Variants in VPS37A observed in about 807,000 individuals in gnomAD.
VPS37A encodes the protein vacuolar protein sorting-associated protein 37A.
VPS37A carries 30 observed loss-of-function variants against 49.8 expected under a neutral mutation model. The ratio of observed to expected loss-of-function variants is 0.60; its 90% CI spans 0.45 to 0.82. The LOEUF is 0.82. Ranked by LOEUF, VPS37A falls within the 40% of genes least tolerant of loss-of-function variation. VPS37A has a pLI of 0.00. For missense variants in VPS37A, 593 were observed against 464.4 expected (o/e 1.28, Z -2.55); for synonymous variants, 195 against 160.6 (o/e 1.21, Z -1.62).
chr8:17,283,364 C>T (rs751347757), intron 9 of VPS37A, among the ~76,000 whole-genome samples: 1 of 152,136 alleles, frequency 6.6e-6, no homozygotes, highest in African/African-American at 2.4e-5. Context: ...CTATGTTGCC[C>T]AGCCTGGTCA....
In VPS37A at chr8:17,258,635, G is replaced by A. The variant is rs185381612; in HGVS notation, c.126-7272G>A. Reference sequence around the variant, plus strand: ...TGTTTCTATGGGTGATGCTGATCTTGTAGAATGAGTTTGGAAGTAGTCCTT... The same window carrying A: ...TGTTTCTATGGGTGATGCTGATCTTATAGAATGAGTTTGGAAGTAGTCCTT... On this transcript the variant is annotated intron_variant, in intron 1 of 11. Transcript: ENST00000324849. Among the ~76,000 whole-genome samples the A allele has an allele frequency of 2.6e-4, 39 of 152,114 alleles. 1 individual carries two copies. The highest frequency in any genetic ancestry group is 9.2e-4 in the African/African-American group (38 of 41,498).
At chr8:17,332,999 G>A in the VPS37A span, among the ~76,000 whole-genome samples, 8 of 152,220 alleles carry the variant, frequency 5.3e-5, 1 homozygote, top group South Asian at 1.7e-3. Context: ...TATGAAGTTT[G>A]TAATTGAAAT....
chr8:17,272,790 G>C (rs1462200267), intron 4 of VPS37A, among the ~76,000 whole-genome samples: 2 of 152,044 alleles, frequency 1.3e-5, no homozygotes, highest in African/African-American at 4.8e-5. Flanking sequence ...TTTTCTAGGG[G>C]TCATATATTC....
intron 9 of VPS37A, among the ~76,000 whole-genome samples, chr8:17,283,447 C>G (rs529260875): frequency 1.3e-5 from 2 of 152,130 alleles, no homozygotes; most frequent in Non-Finnish European, 2.9e-5. Context: ...TGAGCCACCA[C>G]GTCAAGCAGG....
rs1814365310 is a variant in VPS37A at position 17,274,875 on chromosome 8, A to G, written c.559A>G (p.Thr187Ala). The change falls in exon 5 of 12, where the codon ACC becomes GCC. Residue 187 changes from threonine to alanine, a missense_variant. Coordinates refer to ENST00000324849, the MANE Select transcript of VPS37A (RefSeq NM_152415.3). ...DTVSSSTTSH[T>A]TAKPAAPSFG... ...TGTTTCTTCTTCAACAACAAGTCATACCACAGCCAAGCCTGCCGCTCCTTC... is the reference window on the plus strand; with the variant it reads ...TGTTTCTTCTTCAACAACAAGTCATGCCACAGCCAAGCCTGCCGCTCCTTC... The G allele has an allele frequency of 6.2e-7, 1 of 1,613,998 alleles. No homozygotes were observed. Among genetic ancestry groups the G allele is most frequent in the East Asian group, 2.2e-5 (1 of 44,878 alleles).
chr8:17,321,341 G>T, the VPS37A span, among the ~76,000 whole-genome samples: 2 of 152,186 alleles, frequency 1.3e-5, no homozygotes, highest in Admixed American at 1.3e-4. Flanking sequence ...CTCAGCAATG[G>T]GACAGGCTGC....
chr8:17,248,074 C>T, intron 1 of VPS37A: 1 of 397,092 alleles, frequency 2.5e-6, no homozygotes, highest in South Asian at 2.2e-5. Context: ...TTTTACAATT[C>T]ATATTATTTC....
intron 1 of VPS37A, among the ~76,000 whole-genome samples, chr8:17,263,663 T>C (rs1031555298): frequency 6.6e-6 from 1 of 152,210 alleles, no homozygotes; most frequent in Admixed American, 6.6e-5. Flanking sequence ...TATAAAAATC[T>C]GAACAATGTC....
chr8:17,313,268 T>G, the VPS37A span: 1 of 1,560,826 alleles, frequency 6.4e-7, no homozygotes, highest in Non-Finnish European at 8.8e-7. Context: ...TGTCCCTTAA[T>G]TTATTTTCTC....
In VPS37A at chr8:17,279,789, T is replaced by C. The variant is rs1586030981; in HGVS notation, c.714-239T>C. On this transcript the variant is annotated intron_variant, in intron 6 of 11. Coordinates refer to ENST00000324849, the MANE Select transcript of VPS37A (RefSeq NM_152415.3). ...TAAAGAAAGTAGATATATCGATATA[T>C]CCATTGGACCAAAATTTACTTTTAC... 7.1e-6 allele frequency: 4 copies of C among 563,574 alleles called. No individual in the cohort carries two copies. In the East Asian group the frequency reaches 1.7e-4, roughly 23 times the overall value. 34.9% of individuals were successfully genotyped at this position (563,574 alleles called of 1,614,324 possible). A position where few individuals can be genotyped will look rare whatever the true frequency, so the allele number is the denominator to read the frequency against.
chr8:17,309,675 G>A, the VPS37A span, among the ~76,000 whole-genome samples: 1 of 152,116 alleles, frequency 6.6e-6, no homozygotes, highest in Non-Finnish European at 1.5e-5. Flanking sequence ...AAGGAAAGAG[G>A]TTTCATATTC....
chr8:17,262,954 A>T (rs555375529), intron 1 of VPS37A, among the ~76,000 whole-genome samples: 1 of 151,670 alleles, frequency 6.6e-6, no homozygotes, highest in African/African-American at 2.4e-5. Context: ...CCAGCTACTC[A>T]GGAGACTGAG....
At chr8:17,305,726 A>C (rs189125583), downstream of VPS37A, 834 of 1,554,030 alleles carry the variant, frequency 5.4e-4, 9 homozygotes, top group African/African-American at 0.01. Flanking sequence ...TTTAAATAAA[A>C]GTTAAACACC....
chr8:17,256,696 A>G (rs1320910955), intron 1 of VPS37A, among the ~76,000 whole-genome samples: 2 of 150,990 alleles, frequency 1.3e-5, no homozygotes, highest in Non-Finnish European at 2.9e-5. Flanking sequence ...TTTGTTGCTC[A>G]GGCTGGAGTG....
At chr8:17,325,923 C>T in the VPS37A span, among the ~76,000 whole-genome samples, 1 of 152,210 alleles carries the variant, frequency 6.6e-6, no homozygotes. Context: ...TTTTCAAATA[C>T]ATTATTGCTT....
rs142048386 is a variant in VPS37A, at chr8:17,294,757, C to T, written c.*1-230C>T. 4.7e-4 allele frequency among the ~76,000 whole-genome samples: 72 copies of T among 152,294 alleles called. 1 individual carries two copies. The highest frequency in any genetic ancestry group is 1.7e-3 in the African/African-American group (71 of 41,574). ...GCTTCTGCTCACCCTCCGTGGGCTA[C>T]ACCCACTGTCTAACCAGTCCCAGTG... On this transcript the variant is annotated intron_variant, in intron 11 of 11. Coordinates refer to ENST00000324849, the MANE Select transcript of VPS37A (RefSeq NM_152415.3).
At chr8:17,258,008 T>C (rs912077015) in intron 1 of VPS37A, among the ~76,000 whole-genome samples, 3 of 152,180 alleles carry the variant, frequency 2.0e-5, no homozygotes, top group African/African-American at 7.2e-5. Context: ...ACTGAATTGG[T>C]TTATCATTTC....
In VPS37A at chr8:17,295,095, A is replaced by T. The variant is rs577936843; in HGVS notation, c.*109A>T. 6.5e-6 allele frequency: 1 copy of T among 152,782 alleles called. No individual in the cohort carries two copies. The highest frequency in any genetic ancestry group is 1.9e-4 in the East Asian group (1 of 5,190). The allele number at this position is 152,782 out of a possible 1,614,324, so 9.5% of individuals were successfully genotyped here. A position where few individuals can be genotyped will look rare whatever the true frequency, so the allele number is the denominator to read the frequency against. ...ATTTCATCAGTGGCTAAATTCACAG[A>T]TATCCTATATAGATTGTATACAGAA... is the stretch of plus-strand genomic sequence containing the variant. On this transcript the variant is annotated 3_prime_UTR_variant, in exon 12 of 12. Coordinates refer to ENST00000324849, the MANE Select transcript of VPS37A (RefSeq NM_152415.3).
chr8:17,319,539 C>A, the VPS37A span, among the ~76,000 whole-genome samples: 1 of 152,180 alleles, frequency 6.6e-6, no homozygotes, highest in African/African-American at 2.4e-5. Flanking sequence ...TCATGGCTAC[C>A]TTGGTGGGTT....
Sources: gnomAD v4.1 joint callset for allele counts (sites outside exome capture counted in the v4.1 genomes callset) on GRCh38, gnomAD v4.1.1 for gene constraint, MANE v1.5 for transcripts, NCBI Gene and HGNC (gene_info 2026-07-23, HGNC 2026-07-21) for gene names.